Variants in LRMDA observed in about 807,000 individuals in gnomAD.
LRMDA encodes leucine-rich melanocyte differentiation-associated protein.
Under a neutral mutation model 29.8 loss-of-function variants are expected in LRMDA, and 18 were observed. The ratio of observed to expected loss-of-function variants is 0.60; its 90% confidence interval spans 0.42 to 0.90. The LOEUF (loss-of-function observed/expected upper bound fraction) is 0.90. Ranked by LOEUF, LRMDA falls within the 40% of genes least tolerant of loss-of-function variation. The pLI is 0.00. For missense variants in LRMDA, 273 were observed against 273.9 expected (o/e 1.00, Z 0.02); for synonymous variants, 125 against 109.4 (o/e 1.14, Z -0.89).
chr10:75,736,114 C>G (rs1216130408), intron 2 of LRMDA, among the ~76,000 whole-genome samples: 1 of 151,886 alleles, frequency 6.6e-6, no homozygotes, highest in Non-Finnish European at 1.5e-5. Flanking sequence ...CACTTTGCAC[C>G]AATATTATGG....
chr10:75,924,279 G>A (rs1024186217), intron 2 of LRMDA, among the ~76,000 whole-genome samples: 1 of 152,164 alleles, frequency 6.6e-6, no homozygotes, highest in Non-Finnish European at 1.5e-5. Context: ...TACGCATAAT[G>A]TACCGAAAAA....
chr10:75,653,374 C>G (rs987739505), intron 2 of LRMDA, among the ~76,000 whole-genome samples: 6 of 152,102 alleles, frequency 3.9e-5, no homozygotes, highest in Non-Finnish European at 8.8e-5. Flanking sequence ...GGTCTGGTCT[C>G]TTGAAGGAAA....
At chr10:75,972,651 G>A (rs1218388349) in intron 2 of LRMDA, among the ~76,000 whole-genome samples, 1 of 152,078 alleles carries the variant, frequency 6.6e-6, no homozygotes, top group Admixed American at 6.5e-5. Flanking sequence ...TTCTCTTTCT[G>A]TTGTCAGTCA....
At chr10:75,655,589 A>G (rs1841659604) in intron 2 of LRMDA, among the ~76,000 whole-genome samples, 1 of 152,196 alleles carries the variant, frequency 6.6e-6, no homozygotes, top group Non-Finnish European at 1.5e-5. Flanking sequence ...GGGTTCAGGC[A>G]TGGAGCATCT....
chr10:76,066,460 G>C (rs1027589376), intron 5 of LRMDA, among the ~76,000 whole-genome samples: 1 of 152,168 alleles, frequency 6.6e-6, no homozygotes, highest in Non-Finnish European at 1.5e-5. Flanking sequence ...GGTGGAACCA[G>C]GTCCTTTTTT....
chr10:76,111,846 G>A (rs748184863), intron 5 of LRMDA, among the ~76,000 whole-genome samples: 134 of 151,988 alleles, frequency 8.8e-4, no homozygotes, highest in Non-Finnish European at 1.7e-3. Flanking sequence ...TCTTTTCTTC[G>A]CGTCAAAATT....
At chr10:76,511,452 G>A (rs1208301560) in intron 6 of LRMDA, among the ~76,000 whole-genome samples, 2 of 152,086 alleles carry the variant, frequency 1.3e-5, no homozygotes, top group East Asian at 1.9e-4. Context: ...GCCAGATAAT[G>A]GAGTCAGATG....
intron 5 of LRMDA, among the ~76,000 whole-genome samples, chr10:76,200,290 G>T (rs1851403195): frequency 6.6e-6 from 1 of 152,140 alleles, no homozygotes; most frequent in Non-Finnish European, 1.5e-5. Context: ...AATATGGCAG[G>T]CATACATCTG....
At chr10:75,709,400 ATGTG>A (rs969874049) in intron 2 of LRMDA, among the ~76,000 whole-genome samples, 2 of 150,122 alleles carry the variant, frequency 1.3e-5, no homozygotes, top group Admixed American at 6.6e-5. Context: ...GTGTGTGTGC[ATGTG>A]TGTGTGTCTG....
chr10:76,379,601 TTC>T (rs1438278083), intron 6 of LRMDA, among the ~76,000 whole-genome samples: 1 of 152,134 alleles, frequency 6.6e-6, no homozygotes, highest in East Asian at 1.9e-4. Flanking sequence ...TATTTGACTT[TTC>T]TCTCTTTTTT....
At chr10:76,175,668 A>G (rs1026557121) in intron 5 of LRMDA, among the ~76,000 whole-genome samples, 2 of 152,170 alleles carry the variant, frequency 1.3e-5, no homozygotes, top group African/African-American at 2.4e-5. Context: ...TTGAAAGCAG[A>G]CCTGCCTGGC....
intron 6 of LRMDA, among the ~76,000 whole-genome samples, chr10:76,343,799 C>G (rs1214000821): frequency 6.8e-6 from 1 of 147,872 alleles, no homozygotes; most frequent in African/African-American, 2.5e-5. Flanking sequence ...ATAAAAGTTT[C>G]ATGTTTACAG....
At chr10:75,838,867 A>G (rs1448512373) in intron 2 of LRMDA, among the ~76,000 whole-genome samples, 2 of 152,182 alleles carry the variant, frequency 1.3e-5, no homozygotes, top group Non-Finnish European at 2.9e-5. Flanking sequence ...AGAAATTCCA[A>G]GAGTGGTAGA....
intron 2 of LRMDA, among the ~76,000 whole-genome samples, chr10:75,918,536 A>G (rs1845972812): frequency 6.6e-6 from 1 of 152,172 alleles, no homozygotes; most frequent in Admixed American, 6.5e-5. Context: ...ATGGTGCTAA[A>G]TCATTCATAA....
At chr10:75,729,923 A>T (rs1230644155) in intron 2 of LRMDA, among the ~76,000 whole-genome samples, 16 of 152,094 alleles carry the variant, frequency 1.1e-4, no homozygotes, top group Admixed American at 9.2e-4. Flanking sequence ...TCAGCCTCCC[A>T]AGTAGCTGGG....
At chr10:76,309,099 G>A (rs1475031053) in intron 5 of LRMDA, among the ~76,000 whole-genome samples, 2 of 152,152 alleles carry the variant, frequency 1.3e-5, no homozygotes, top group African/African-American at 2.4e-5. Context: ...TCTATTATCC[G>A]TGGCTTCCCT....
At chr10:75,539,792 T>C (rs998091001) in intron 2 of LRMDA, among the ~76,000 whole-genome samples, 4 of 152,194 alleles carry the variant, frequency 2.6e-5, no homozygotes, top group African/African-American at 7.2e-5. Context: ...TTTCTCCCTC[T>C]GGCTGTATTT....
chr10:75,890,430 A>C (rs1342960086), intron 2 of LRMDA, among the ~76,000 whole-genome samples: 1 of 152,244 alleles, frequency 6.6e-6, no homozygotes, highest in South Asian at 2.1e-4. Context: ...GAGTAGTGTC[A>C]GGATGTAATC....
Position 75,843,870 on chromosome 10 carries a change from A to G in LRMDA, c.132-192138A>G, listed in dbSNP as rs554263929. Among the ~76,000 whole-genome samples the G allele has an allele frequency of 1.5e-4, 23 of 152,306 alleles. 1 individual carries two copies. In the East Asian group the frequency reaches 4.3e-3, roughly 28 times the overall value. On this transcript the variant is annotated intron_variant, in intron 2 of 6. Coordinates refer to ENST00000611255, the MANE Select transcript of LRMDA (RefSeq NM_001305581.2). ...TGTAAGGTCATCCATGCCCTTGCAAATGTTCAGACTCCCCAGGCTGAGGCA... is the reference window on the plus strand; with the variant it reads ...TGTAAGGTCATCCATGCCCTTGCAAGTGTTCAGACTCCCCAGGCTGAGGCA...
Sources: allele counts gnomAD v4.1 joint callset (sites outside exome capture counted in the v4.1 genomes callset), GRCh38; gene constraint gnomAD v4.1.1; transcripts MANE v1.5; gene names NCBI Gene and HGNC (gene_info 2026-07-23, HGNC 2026-07-21).